TTC34: variants seen among roughly 807,000 people sequenced by gnomAD.
The protein encoded by TTC34 is tetratricopeptide repeat protein 34.
A neutral mutation model predicts 40.7 loss-of-function variants in TTC34; 44 were observed. The observed-to-expected ratio is 1.08, with a 90% CI of 0.85 to 1.39. The LOEUF (loss-of-function observed/expected upper bound fraction) is 1.39. Ranked by LOEUF, TTC34 falls within the 40% of genes most tolerant of loss-of-function variation. The pLI, the probability that TTC34 is intolerant of heterozygous loss-of-function variation, is 0.00. For synonymous variants in TTC34, 422 were observed against 398.6 expected, an observed-to-expected ratio of 1.06 and a Z score of -0.70; for missense variants, 884 against 838.0, an observed-to-expected ratio of 1.05 and a Z score of -0.68.
chr1:2,755,620 C>T (rs1336451791), intron 6 of TTC34, among the ~76,000 whole-genome samples: 3 of 121,552 alleles, frequency 2.5e-5, no homozygotes, highest in African/African-American at 1.1e-4. Context: ...GCAGCACCCA[C>T]ACACCCAGGT....
chr1:2,792,032 T>A (rs1167177534), intron 2 of TTC34, among the ~76,000 whole-genome samples: 28 of 136,990 alleles, frequency 2.0e-4, no homozygotes, highest in Middle Eastern at 3.6e-3. Flanking sequence ...TTTTTTTTTT[T>A]TAAAGACAGG....
At chr1:2,650,495 C>T (rs1639106735) in intron 6 of TTC34, among the ~76,000 whole-genome samples, 1 of 151,846 alleles carries the variant, frequency 6.6e-6, no homozygotes, top group African/African-American at 2.4e-5. Context: ...TGGAACAGGA[C>T]CCCACTACCC....
intron 6 of TTC34, among the ~76,000 whole-genome samples, chr1:2,685,816 A>C (rs1353131435): frequency 4.0e-5 from 6 of 150,230 alleles, no homozygotes; most frequent in East Asian, 2.0e-4. Context: ...TGAGCATCTG[A>C]CAGACTGGAA....
At chr1:2,685,500 CA>C in intron 6 of TTC34, among the ~76,000 whole-genome samples, 1 of 122,400 alleles carries the variant, frequency 8.2e-6, no homozygotes, top group Admixed American at 8.2e-5. Flanking sequence ...CATCTGACAC[CA>C]TGGAGCAGCA....
chr1:2,657,512 C>T (rs1461715110), intron 6 of TTC34, among the ~76,000 whole-genome samples: 2 of 97,708 alleles, frequency 2.0e-5, no homozygotes, highest in African/African-American at 6.1e-5. Flanking sequence ...CCCAGGCGAG[C>T]ATCTGACAGC....
chr1:2,641,545 C>A (rs1362536367), exon 9 of TTC34: 3 of 1,533,870 alleles, frequency 2.0e-6, no homozygotes, highest in Non-Finnish European at 2.6e-6. Context: ...CAGTGGGGGC[C>A]CGGCCTGGCT....
intron 6 of TTC34, among the ~76,000 whole-genome samples, chr1:2,761,361 C>A (rs1641679743): frequency 1.4e-5 from 1 of 69,812 alleles, no homozygotes; most frequent in Non-Finnish European, 2.5e-5. Flanking sequence ...GCAGCACCCA[C>A]ACCCCTAGGC....
At chr1:2,755,067 G>A (rs1488925477) in intron 6 of TTC34, among the ~76,000 whole-genome samples, 2 of 56,080 alleles carry the variant, frequency 3.6e-5, no homozygotes, top group Non-Finnish European at 5.8e-5. Context: ...GCACCCCCAG[G>A]TGCGCACGTG....
chr1:2,701,213 T>C (rs768716395), intron 6 of TTC34, among the ~76,000 whole-genome samples: 21 of 512 alleles, frequency 0.041, no homozygotes, highest in Admixed American at 0.077. Flanking sequence ...CGGAGCAGCG[T>C]CCACACCCCC....
At chr1:2,751,932 A>G (rs1641333917) in intron 6 of TTC34, among the ~76,000 whole-genome samples, 1 of 74,920 alleles carries the variant, frequency 1.3e-5, no homozygotes. Context: ...ACGCATAACC[A>G]CAGGTGAACA....
At chr1:2,686,186 G>A (rs1640335358) in intron 6 of TTC34, among the ~76,000 whole-genome samples, 4 of 137,486 alleles carry the variant, frequency 2.9e-5, no homozygotes, top group African/African-American at 6.0e-5. Flanking sequence ...GGAGAGTCTG[G>A]AGCAGCGCCC....
intron 6 of TTC34, among the ~76,000 whole-genome samples, chr1:2,756,586 C>A (rs1641512606): frequency 7.2e-5 from 1 of 13,824 alleles, no homozygotes; most frequent in South Asian, 2.9e-3. Context: ...AGCACCCACA[C>A]CAACAGGTGA....
At chr1:2,759,545 A>T (rs1641622593) in intron 6 of TTC34, among the ~76,000 whole-genome samples, 26 of 151,806 alleles carry the variant, frequency 1.7e-4, no homozygotes, top group Non-Finnish European at 3.2e-4. Flanking sequence ...GACAGCCTGG[A>T]ACAGCACCCA....
chr1:2,783,841 C>T (rs1044207199), intron 5 of TTC34, 66 bp from the exon 6 acceptor site: 8 of 1,350,930 alleles, frequency 5.9e-6, no homozygotes, highest in Non-Finnish European at 7.7e-6. Flanking sequence ...ATCTATCCTG[C>T]CCAGCCCGGG....
chr1:2,769,602 C>T (rs554744841), intron 6 of TTC34, among the ~76,000 whole-genome samples: 1 of 129,552 alleles, frequency 7.7e-6, no homozygotes, highest in Non-Finnish European at 1.6e-5. Context: ...CCAGGGGGAG[C>T]ATCTGACAGC....
chr1:2,687,737 A>G (rs796650053), intron 6 of TTC34, among the ~76,000 whole-genome samples: 339 of 35,442 alleles, frequency 9.6e-3, no homozygotes, highest in African/African-American at 0.022. Flanking sequence ...CCCCAGGTGA[A>G]CATCCGACAG....
chr1:2,776,101 A>G (rs149476704), intron 6 of TTC34: 1 of 139,382 alleles, frequency 7.2e-6, no homozygotes, highest in Non-Finnish European at 1.5e-5. Flanking sequence ...TAAGAATTTG[A>G]TAAGTGGGAA....
intron 6 of TTC34, among the ~76,000 whole-genome samples, chr1:2,651,442 G>C (rs1283611097): frequency 1.3e-5 from 2 of 152,008 alleles, no homozygotes; most frequent in African/African-American, 4.8e-5. Context: ...CACACACGCA[G>C]GTAAGCATCT....
chr1:2,641,862 C>T lies in TTC34; in HGVS notation c.2746G>A (p.Ala916Thr), dbSNP rs773764857. The change falls in exon 9 of 9, where the codon GCA becomes ACA. Residue 916 changes from alanine (A) to threonine (T), a missense_variant. Transcript: ENST00000401095. The stretch of plus-strand genomic sequence containing the variant: ...CCCAGCGCCTGCCTGGGTTGCCCTG[C>T]GTCCAGGAGGGTGCCGGCTTCCTGG... 19 of 1,501,334 alleles carry T rather than the reference C, an allele frequency of 1.3e-5. No individual in the cohort carries two copies. The South Asian group carries it at 2.3e-4, about 18-fold the overall frequency. 93.0% of individuals were successfully genotyped at this position (1,501,334 alleles called of 1,614,324 possible).
Sources: gnomAD v4.1 joint callset for allele counts (sites outside exome capture counted in the v4.1 genomes callset) on GRCh38, gnomAD v4.1.1 for gene constraint, MANE v1.5 for transcripts, NCBI Gene and HGNC (gene_info 2026-07-23, HGNC 2026-07-21) for gene names.